SH3BP2: variants seen among roughly 807,000 people sequenced by gnomAD.
The protein encoded by SH3BP2 is SH3 domain binding protein 2.
In SH3BP2, 38 loss-of-function variants were observed where a neutral mutation model predicts 56.2. The observed-to-expected ratio is 0.68, with a 90% CI of 0.52 to 0.89. SH3BP2 has a LOEUF of 0.89. Ranked by LOEUF, SH3BP2 falls within the 40% of genes least tolerant of loss-of-function variation. The pLI is 0.00. For missense variants in SH3BP2, 748 were observed against 762.6 expected (o/e 0.98, Z 0.23); for synonymous variants, 346 against 316.7 (o/e 1.09, Z -0.98).
rs1577372620 is a variant in SH3BP2, at chr4:2,833,012, C to T, written c.1511C>T (p.Thr504Ile). ...SGKVLVVWDE[T>I]SNKVRNYRIF... The stretch of plus-strand genomic sequence containing the variant: ...TAGGTCCTGGTTGTGTGGGACGAAA[C>T]CTCTAACAAAGTGAGGAACTATCGC... The change falls in exon 12 of 13, where the codon ACC becomes ATC. Residue 504 changes from threonine to isoleucine, a missense_variant. Around this residue, in one of 3 missense-constraint regions of SH3BP2, gnomAD observed 635 missense variants for 615.0 expected, o/e 1.03. Coordinates refer to ENST00000503393, the MANE Select transcript of SH3BP2 (RefSeq NM_001122681.2). The T allele has an allele frequency of 6.2e-7, 1 of 1,614,198 alleles. No homozygotes were observed. The highest frequency in any genetic ancestry group is 2.2e-5 in the East Asian group (1 of 44,886).
At chr4:2,802,609 T>C (rs1047022819) in intron 1 of SH3BP2, among the ~76,000 whole-genome samples, 7 of 148,488 alleles carry the variant, frequency 4.7e-5, no homozygotes, top group Admixed American at 2.0e-4. Flanking sequence ...TATGTGTATA[T>C]ATGTGTATAT....
intron 5 of SH3BP2, among the ~76,000 whole-genome samples, chr4:2,826,099 T>C (rs1403657136): frequency 6.6e-6 from 1 of 152,216 alleles, no homozygotes; most frequent in Admixed American, 6.5e-5. Flanking sequence ...GCCCAAGCCC[T>C]CTTGAGGCAG....
At chr4:2,801,775 C>T (rs1331554379) in intron 1 of SH3BP2, among the ~76,000 whole-genome samples, 1 of 152,206 alleles carries the variant, frequency 6.6e-6, no homozygotes, top group East Asian at 1.9e-4. Context: ...AGAGTAAAAA[C>T]GAACAACATC....
intron 1 of SH3BP2, chr4:2,812,353 T>G (rs1452063591): frequency 6.5e-7 from 1 of 1,550,030 alleles, no homozygotes; most frequent in Non-Finnish European, 8.7e-7. Flanking sequence ...AGGCCTCACA[T>G]GTCTGGGAGA....
At chr4:2,813,594 T>C (rs996600321) in intron 1 of SH3BP2, among the ~76,000 whole-genome samples, 10 of 152,182 alleles carry the variant, frequency 6.6e-5, no homozygotes, top group East Asian at 5.8e-4. Flanking sequence ...GTGGTGGTGA[T>C]GATTCTGTGC....
At position 2,836,433 on chromosome 4, in the gene SH3BP2, A is replaced by G. The variant is rs575430823; in HGVS notation, c.*2599A>G. On this transcript the variant is annotated 3_prime_UTR_variant, in exon 13 of 13. Transcript: ENST00000503393. The stretch of plus-strand genomic sequence containing the variant: ...GGTGCCGAGCTGGGTGCTTGACATC[A>G]TTTGCTTGGAGAAGCAGCTGCTAGT... 1.3e-5 allele frequency: 2 copies of G among 152,294 alleles called. No individual in the cohort carries two copies. The highest frequency in any genetic ancestry group is 2.1e-4 in the South Asian group (1 of 4,830). The allele number at this position is 152,294 out of a possible 1,614,324, so 9.4% of individuals were successfully genotyped here. A position where few individuals can be genotyped will look rare whatever the true frequency, so the allele number is the denominator to read the frequency against.
At chr4:2,803,107 T>C (rs1056815634) in intron 1 of SH3BP2, among the ~76,000 whole-genome samples, 3 of 152,110 alleles carry the variant, frequency 2.0e-5, no homozygotes, top group African/African-American at 7.2e-5. Flanking sequence ...AGTACCACGG[T>C]GATGAGTGAA....
rs112439699 is a variant in SH3BP2 at position 2,825,231 on chromosome 4, G to T, written c.428+35G>T. ...GGCCCAGGGCATACCGGGCAGTGAG[G>T]GTCCCTGGGGCGCCTGGGCCTGACC... On this transcript the variant is annotated intron_variant, in intron 5 of 12. Transcript: ENST00000503393. 9 of 1,531,878 alleles carry T rather than the reference G, an allele frequency of 5.9e-6. No individual in the cohort carries two copies. In the African/African-American group the frequency reaches 1.1e-4, roughly 19 times the overall value. 94.9% of individuals were successfully genotyped at this position (1,531,878 alleles called of 1,614,324 possible).
chr4:2,830,873 C>T (rs529384078), intron 8 of SH3BP2, among the ~76,000 whole-genome samples: 1 of 152,328 alleles, frequency 6.6e-6, no homozygotes, highest in South Asian at 2.1e-4. Flanking sequence ...CCCTTGCCCA[C>T]GGTGCCCTTC....
chr4:2,802,659 G>A (rs767293466), intron 1 of SH3BP2, among the ~76,000 whole-genome samples: 1 of 141,608 alleles, frequency 7.1e-6, no homozygotes, highest in Non-Finnish European at 1.5e-5. Flanking sequence ...ATATGTATAT[G>A]TGTGTGTGTG....
chr4:2,824,745 G>GGACGAGTGCAAGGTGACTGGGGGTCCT lies in SH3BP2; in HGVS notation c.357+15_357+16insGACGAGTGCAAGGTGACTGGGGGTCCT, dbSNP rs779109974. 3.2e-6 allele frequency: 5 copies of GGACGAGTGCAAGGTGACTGGGGGTCCT among 1,573,380 alleles called. 1 individual carries two copies. In the South Asian group the frequency reaches 5.5e-5, roughly 17 times the overall value. ...AGGAGCGCAAGGTGACTGGGGGTCC[G>GGACGAGTGCAAGGTGACTGGGGGTCCT]AGGACGAGTGCAAGGTGACTGGGGG... On this transcript the variant is annotated intron_variant, in intron 4 of 12. Coordinates refer to ENST00000503393, the MANE Select transcript of SH3BP2 (RefSeq NM_001122681.2).
At chr4:2,811,402 G>A (rs535887173) in intron 1 of SH3BP2, among the ~76,000 whole-genome samples, 2 of 152,316 alleles carry the variant, frequency 1.3e-5, no homozygotes, top group South Asian at 4.1e-4. Flanking sequence ...GTGGCCCCAG[G>A]CCCCAGAAAG....
At chr4:2,808,677 C>T (rs1485694091) in intron 1 of SH3BP2, among the ~76,000 whole-genome samples, 4 of 152,044 alleles carry the variant, frequency 2.6e-5, no homozygotes, top group African/African-American at 9.7e-5. Flanking sequence ...GTGGAGCGGA[C>T]CCAGGCCCCA....
intron 1 of SH3BP2, among the ~76,000 whole-genome samples, chr4:2,804,291 G>A (rs745889006): frequency 6.6e-6 from 1 of 152,180 alleles, no homozygotes; most frequent in African/African-American, 2.4e-5. Context: ...AGCAGCTCCG[G>A]GACTGCCCCA....
Position 2,836,615 on chromosome 4 carries a change from T to TC in SH3BP2, c.*2782dup, listed in dbSNP as rs1725242054. The stretch of plus-strand genomic sequence containing the variant: ...TCCCTGCCAGGCTCCCTGCCACCCC[T>TC]CACGACCTCTGATGGTCGTTGTGGG... On this transcript the variant is annotated 3_prime_UTR_variant, in exon 13 of 13. Coordinates refer to ENST00000503393, the MANE Select transcript of SH3BP2 (RefSeq NM_001122681.2). 1 of 152,350 alleles carries TC rather than the reference T, an allele frequency of 6.6e-6. No individual in the cohort carries two copies. Among genetic ancestry groups the TC allele is most frequent in the Non-Finnish European group, 1.5e-5 (1 of 68,112 alleles). 9.4% of individuals were successfully genotyped at this position (152,350 alleles called of 1,614,324 possible). A position where few individuals can be genotyped will look rare whatever the true frequency, so the allele number is the denominator to read the frequency against.
rs7378147 is a variant in SH3BP2, at chr4:2,802,444, A to G, written c.-5+9306A>G. Among the ~76,000 whole-genome samples, 473 of 84,516 alleles carry G rather than the reference A, an allele frequency of 5.6e-3. 3 individuals carry two copies. Among genetic ancestry groups the G allele is most frequent in the African/African-American group, 9.7e-3 (273 of 28,226 alleles). The allele number at this position is 84,516 out of a possible 152,430, so 55.4% of individuals were successfully genotyped here. On this transcript the variant is annotated intron_variant, in intron 1 of 12. Transcript: ENST00000503393. ...TGTGTGTGTGTGTGTGTGTGTGTGT[A>G]TGTATATATGTGTGTGTATATATGT...
Position 2,836,819 on chromosome 4 carries a change from C to T in SH3BP2, c.*2985C>T, listed in dbSNP as rs993384527. The stretch of plus-strand genomic sequence containing the variant: ...TGCCCTAGGGGCAGTCCTGCTTCCT[C>T]ATTTTATAGATAGGGAAACTGAGGC... On this transcript the variant is annotated 3_prime_UTR_variant, in exon 13 of 13. Transcript: ENST00000503393. 6.6e-6 allele frequency: 1 copy of T among 152,262 alleles called. No homozygotes were observed. The highest frequency in any genetic ancestry group is 1.5e-5 in the Non-Finnish European group (1 of 68,048). The allele number at this position is 152,262 out of a possible 1,614,324, so 9.4% of individuals were successfully genotyped here.
intron 1 of SH3BP2, among the ~76,000 whole-genome samples, chr4:2,794,579 G>T (rs925550532): frequency 6.6e-6 from 1 of 152,206 alleles, no homozygotes; most frequent in Non-Finnish European, 1.5e-5. Context: ...GGCACACCCT[G>T]GAGGGGGCAG....
Position 2,840,172 on chromosome 4 carries a change from C to CTGTGAT in SH3BP2, c.*6343_*6348dup. On this transcript the variant is annotated 3_prime_UTR_variant, in exon 13 of 13. Transcript: ENST00000503393. ...CCCAGAAGGTCAAGGCTGCAGTGAG[C>CTGTGAT]TGTGATTGTGCCACTGCACTTCAGC... 7.1e-6 allele frequency: 1 copy of CTGTGAT among 140,138 alleles called. No individual in the cohort carries two copies. Among genetic ancestry groups the CTGTGAT allele is most frequent in the South Asian group, 2.3e-4 (1 of 4,326 alleles). The allele number at this position is 140,138 out of a possible 1,614,324, so 8.7% of individuals were successfully genotyped here.
Sources: allele counts gnomAD v4.1 joint callset (sites outside exome capture counted in the v4.1 genomes callset), GRCh38; gene constraint gnomAD v4.1.1; regional missense constraint gnomAD v4.1.1; transcripts MANE v1.5; gene names NCBI Gene and HGNC (gene_info 2026-07-23, HGNC 2026-07-21).